The following SPATA13 variants were observed in gnomAD, a reference collection of about 807,000 sequenced individuals.
SPATA13 encodes the protein spermatogenesis-associated protein 13.
In SPATA13, 50 loss-of-function variants were observed where a neutral mutation model predicts 104.0. That is an observed-to-expected ratio of 0.48 (90% CI 0.38 to 0.61). The LOEUF (loss-of-function observed/expected upper bound fraction) is 0.61, where lower values mean the gene tolerates loss of function less well. SPATA13 is among the 20% of genes least tolerant of loss of function. The pLI is 0.00. For synonymous variants in SPATA13, 606 were observed against 667.5 expected (o/e 0.91, Z 1.42); for missense variants, 1,524 against 1,690.6 (o/e 0.90, Z 1.73).
At chr13:24,195,839 A>C (rs781605522) in intron 1 of SPATA13, among the ~76,000 whole-genome samples, 4 of 152,208 alleles carry the variant, frequency 2.6e-5, no homozygotes, top group Non-Finnish European at 5.9e-5. Context: ...CAAGTTGACT[A>C]GAAAGGTTTA....
intron 1 of SPATA13, among the ~76,000 whole-genome samples, chr13:24,212,323 A>C (rs1871072247): frequency 6.6e-6 from 1 of 151,340 alleles, no homozygotes; most frequent in Admixed American, 6.6e-5. Flanking sequence ...AGGTCGAGGG[A>C]AACAAACCAC....
chr13:24,114,320 C>A (rs117356165), intron 3 of SPATA13, among the ~76,000 whole-genome samples: 2,457 of 120,924 alleles, frequency 0.02, 28 homozygotes, highest in Non-Finnish European at 0.032. Flanking sequence ...GATTGAAAAC[C>A]AATATGCGAG....
chr13:24,106,603 A>G (rs879323738), intron 3 of SPATA13, among the ~76,000 whole-genome samples: 2 of 152,128 alleles, frequency 1.3e-5, no homozygotes, highest in Non-Finnish European at 2.9e-5. Context: ...TTTGTGTCTC[A>G]CTGGGTCTAA....
intron 10 of SPATA13, among the ~76,000 whole-genome samples, chr13:24,296,042 T>C (rs914844238): frequency 1.3e-5 from 2 of 152,200 alleles, no homozygotes; most frequent in Non-Finnish European, 2.9e-5. Flanking sequence ...CAAGCTACAT[T>C]GATTTTACAT....
rs560929930 is a variant in SPATA13 at position 24,268,615 on chromosome 13, C to T, written c.2165-15520C>T. ...CTCTACTACAAATACAAAAATTAGC[C>T]GGGCATGGTGGTGTGCGCCTGTAAT... On this transcript the variant is annotated intron_variant, in intron 4 of 12. Transcript: ENST00000382108. Among the ~76,000 whole-genome samples, 5 of 152,094 alleles carry T rather than the reference C, an allele frequency of 3.3e-5. No individual in the cohort carries two copies. The East Asian group carries it at 5.8e-4, about 18-fold the overall frequency.
chr13:24,179,643 T>C (rs918228571), intron 1 of SPATA13, among the ~76,000 whole-genome samples: 1 of 152,212 alleles, frequency 6.6e-6, no homozygotes, highest in African/African-American at 2.4e-5. Flanking sequence ...ACCTCTATTT[T>C]ACTTTCTGTT....
At chr13:24,207,045 G>A (rs1870741383) in intron 1 of SPATA13, among the ~76,000 whole-genome samples, 1 of 152,130 alleles carries the variant, frequency 6.6e-6, no homozygotes, top group African/African-American at 2.4e-5. Context: ...GCCATAAAAG[G>A]AACAAGATCA....
At position 24,084,308 on chromosome 13, in the gene SPATA13, C is replaced by T. The variant is rs540155678; in HGVS notation, c.-112+66607C>T. Among the ~76,000 whole-genome samples, 636 of 152,324 alleles carry T rather than the reference C, an allele frequency of 4.2e-3. 8 individuals are homozygous for T. Among genetic ancestry groups the T allele is most frequent in the African/African-American group, 0.014 (565 of 41,574 alleles). ...GAAAAGGGTCTCTGTGCTTGCAGTT[C>T]TGCTTCTTTTGAGAAAGGAAGGAGG... is the stretch of plus-strand genomic sequence containing the variant. On this transcript the variant is annotated intron_variant, in intron 3 of 14. Transcript: ENST00000424834.
chr13:24,204,766 C>T (rs1215545278), intron 1 of SPATA13, among the ~76,000 whole-genome samples: 1 of 152,226 alleles, frequency 6.6e-6, no homozygotes, highest in Non-Finnish European at 1.5e-5. Context: ...CCTGCTGTAG[C>T]ATGAGTCAGA....
chr13:24,098,936 A>AC (rs1566102510), intron 3 of SPATA13, among the ~76,000 whole-genome samples: 2 of 150,832 alleles, frequency 1.3e-5, no homozygotes, highest in South Asian at 2.1e-4. Flanking sequence ...AAAAAAAAAA[A>AC]AAAAAAGAAA....
chr13:24,272,224 G>A (rs937495716), intron 4 of SPATA13, among the ~76,000 whole-genome samples: 4 of 152,120 alleles, frequency 2.6e-5, no homozygotes, highest in Admixed American at 6.5e-5. Context: ...TTCCTCCACC[G>A]CCTTCCACAC....
At chr13:24,143,502 T>C (rs989514) in intron 3 of SPATA13, among the ~76,000 whole-genome samples, 115,463 of 152,174 alleles carry the variant, frequency 0.76, 45,198 homozygotes, top group Non-Finnish European at 0.86. Context: ...GATAGTTACT[T>C]CTATTTTTGC....
At chr13:24,066,886 T>C (rs1359164361) in intron 3 of SPATA13, among the ~76,000 whole-genome samples, 1 of 152,146 alleles carries the variant, frequency 6.6e-6, no homozygotes, top group Non-Finnish European at 1.5e-5. Context: ...TAGACAGCCA[T>C]AGAACTGCAA....
rs1328760288 is a variant in SPATA13, at chr13:24,088,925, G to A, written c.-112+71224G>A. Among the ~76,000 whole-genome samples the A allele has an allele frequency of 6.6e-6, 1 of 152,210 alleles. No homozygotes were observed. Among genetic ancestry groups the A allele is most frequent in the Non-Finnish European group, 1.5e-5 (1 of 68,048 alleles). ...TTCCTGTGCAGCAGGCAAAAGAGGT[G>A]GAAGGGAATGATCTGGGTCTGGAGA... On this transcript the variant is annotated intron_variant, in intron 3 of 14. Coordinates refer to the SPATA13 transcript ENST00000424834. The surrounding 1 kb of genome is among the most constrained non-coding windows in gnomAD (Gnocchi z 4.3).
At chr13:24,077,680 G>A (rs1291268927) in intron 3 of SPATA13, among the ~76,000 whole-genome samples, 2 of 152,114 alleles carry the variant, frequency 1.3e-5, no homozygotes, top group East Asian at 3.8e-4. Context: ...GGAAGATTCA[G>A]GTCACAGTGT....
chr13:24,061,852 A>G (rs1036843399), intron 3 of SPATA13, among the ~76,000 whole-genome samples: 2 of 151,908 alleles, frequency 1.3e-5, no homozygotes, highest in African/African-American at 4.8e-5. Flanking sequence ...ATGTACCCCA[A>G]ACCTAACATA....
At chr13:24,287,652 G>T (rs745533611) in intron 7 of SPATA13, among the ~76,000 whole-genome samples, 13 of 152,168 alleles carry the variant, frequency 8.5e-5, no homozygotes, top group Non-Finnish European at 1.6e-4. Flanking sequence ...TTTAGACACA[G>T]ATGGGAAAAA....
At chr13:24,153,843 C>T (rs565382604) in intron 3 of SPATA13, among the ~76,000 whole-genome samples, 5 of 152,230 alleles carry the variant, frequency 3.3e-5, no homozygotes, top group Non-Finnish European at 7.4e-5. Flanking sequence ...GGAATTCATC[C>T]CTTGGGGTTG....
intron 1 of SPATA13, among the ~76,000 whole-genome samples, chr13:24,197,632 C>T (rs1242465841): frequency 6.6e-6 from 1 of 152,134 alleles, no homozygotes; most frequent in Non-Finnish European, 1.5e-5. Context: ...TATAACTTAC[C>T]TCTAATTAGT....
Sources: gnomAD v4.1 joint callset for allele counts (sites outside exome capture counted in the v4.1 genomes callset) on GRCh38, gnomAD v4.1.1 for gene constraint, Gnocchi (gnomAD v3.1) non-coding constraint, MANE v1.5 for transcripts, NCBI Gene and HGNC (gene_info 2026-07-23, HGNC 2026-07-21) for gene names.